Variants in KCNQ1OT1 observed in about 807,000 individuals in gnomAD.
The protein encoded by KCNQ1OT1 is KCNQ1 antisense RNA 2 (non-protein coding).
chr11:2,618,744 A>T (rs1020232432), exon 1 of KCNQ1OT1: 2 of 398,332 alleles, frequency 5.0e-6, no homozygotes, highest in Non-Finnish European at 8.8e-6. Flanking sequence ...TTTGATAGGG[A>T]TTTTATTCAA....
rs1334327794 is a variant in KCNQ1OT1, at chr11:2,677,996, A to G, written n.21999T>C. The stretch of plus-strand genomic sequence containing the variant: ...TTCTTTTGTTGGAAATGAGGTTTTT[A>G]TCTTTCCAAATGCTTAAAATCATTT... On this transcript the variant is annotated non_coding_transcript_exon_variant, in exon 1 of 1. Transcript: ENST00000597346. The surrounding 1 kb of genome is among the most constrained non-coding windows in gnomAD (Gnocchi z 4.5). 1 of 387,782 alleles carries G rather than the reference A, an allele frequency of 2.6e-6. No homozygotes were observed. The highest frequency in any genetic ancestry group is 2.3e-5 in the African/African-American group (1 of 43,646). 24.0% of individuals were successfully genotyped at this position (387,782 alleles called of 1,614,324 possible).
chr11:2,699,757 C>T (rs927524070), exon 1 of KCNQ1OT1: 14 of 290,178 alleles, frequency 4.8e-5, no homozygotes, highest in East Asian at 3.7e-4. Flanking sequence ...CCCAGAAGAG[C>T]GCCGCGCTGA....
At chr11:2,644,545 T>G (rs1849637162) in exon 1 of KCNQ1OT1, 2 of 398,528 alleles carry the variant, frequency 5.0e-6, no homozygotes, top group Non-Finnish European at 8.8e-6. Context: ...TTTTCAAGGT[T>G]TCATCAATTT....
chr11:2,644,697 T>C (rs1317552477), exon 1 of KCNQ1OT1: 1 of 398,508 alleles, frequency 2.5e-6, no homozygotes, highest in Non-Finnish European at 4.4e-6. Context: ...GATCTGTCTT[T>C]CCTAAGAGAG....
At position 2,658,460 on chromosome 11, in the gene KCNQ1OT1, G is replaced by C. The variant is rs1564847780; in HGVS notation, n.41535C>G. The stretch of plus-strand genomic sequence containing the variant: ...GTGGGTTCATGTGTCCTTTTGATGT[G>C]CCCCCCGCCATCCTTTTCATTTATT... On this transcript the variant is annotated non_coding_transcript_exon_variant, in exon 1 of 1. Coordinates refer to ENST00000597346, the Ensembl canonical transcript of KCNQ1OT1. This position sits in a 1 kb window ranked among gnomAD's most constrained non-coding sequence, Gnocchi z 4.9. 3 of 398,196 alleles carry C rather than the reference G, an allele frequency of 7.5e-6. No individual in the cohort carries two copies. The highest frequency in any genetic ancestry group is 4.4e-5 in the Admixed American group (1 of 22,690). The allele number at this position is 398,196 out of a possible 1,614,324, so 24.7% of individuals were successfully genotyped here. A position where few individuals can be genotyped will look rare whatever the true frequency, so the allele number is the denominator to read the frequency against.
chr11:2,660,915 T>TAA (rs1486340016), exon 1 of KCNQ1OT1: 3 of 398,552 alleles, frequency 7.5e-6, no homozygotes, highest in African/African-American at 6.2e-5. Flanking sequence ...CTTAAAACTA[T>TAA]AAGAGCCTGA....
exon 1 of KCNQ1OT1, chr11:2,609,193 A>C (rs1421656790): frequency 7.5e-6 from 3 of 398,134 alleles, no homozygotes; most frequent in Admixed American, 8.8e-5. Context: ...ACTGCTTTAA[A>C]TGTATCCCAT....
exon 1 of KCNQ1OT1, chr11:2,692,466 C>A: frequency 2.5e-6 from 1 of 398,736 alleles, no homozygotes; most frequent in Non-Finnish European, 4.4e-6. Context: ...AATCCTGCAG[C>A]TGCCTTTCTG....
chr11:2,644,979 G>C, exon 1 of KCNQ1OT1: 1 of 398,682 alleles, frequency 2.5e-6, no homozygotes, highest in Non-Finnish European at 4.4e-6. Flanking sequence ...CCCAATGGTA[G>C]TGTATGCTGG....
At position 2,651,576 on chromosome 11, in the gene KCNQ1OT1, C is replaced by A; in HGVS notation, n.48419G>T. 1 of 398,656 alleles carries A rather than the reference C, an allele frequency of 2.5e-6. No homozygotes were observed. The highest frequency in any genetic ancestry group is 1.3e-4 in the South Asian group (1 of 7,854). The allele number at this position is 398,656 out of a possible 1,614,324, so 24.7% of individuals were successfully genotyped here. A position where few individuals can be genotyped will look rare whatever the true frequency, so the allele number is the denominator to read the frequency against. Reference sequence around the variant, plus strand: ...GATATTGTGTTCTTTACCTCCATGTCTCCAGTGCCTGCCACATAGCAGGTC... The same window carrying A: ...GATATTGTGTTCTTTACCTCCATGTATCCAGTGCCTGCCACATAGCAGGTC... On this transcript the variant is annotated non_coding_transcript_exon_variant, in exon 1 of 1. Coordinates refer to ENST00000597346, the Ensembl canonical transcript of KCNQ1OT1. This position sits in a 1 kb window ranked among gnomAD's most constrained non-coding sequence, Gnocchi z 6.1.
rs1849209432 is a variant in KCNQ1OT1, at chr11:2,623,527, G to T, written n.76468C>A. On this transcript the variant is annotated non_coding_transcript_exon_variant, in exon 1 of 1. Coordinates refer to ENST00000597346, the Ensembl canonical transcript of KCNQ1OT1. This position sits in a 1 kb window ranked among gnomAD's most constrained non-coding sequence, Gnocchi z 5.2. ...TATGATTGGAATCATACAGTATGTA[G>T]TTTCTTCAGATTGCCTTATTTCACA... 2.5e-6 allele frequency: 1 copy of T among 398,534 alleles called. No individual in the cohort carries two copies. 24.7% of individuals were successfully genotyped at this position (398,534 alleles called of 1,614,324 possible).
exon 1 of KCNQ1OT1, chr11:2,616,658 G>A (rs1389060783): frequency 2.5e-6 from 1 of 398,048 alleles, no homozygotes; most frequent in African/African-American, 2.1e-5. Context: ...AATTTTTAAA[G>A]AGTGTGTAGT....
chr11:2,627,003 T>C lies in KCNQ1OT1; in HGVS notation n.72992A>G, dbSNP rs1053045042. ...TTGGGATTACCTTGGATTTGTAGAT[T>C]GTTTTGTGTGGTACTGACACCTTAA... On this transcript the variant is annotated non_coding_transcript_exon_variant, in exon 1 of 1. Transcript: ENST00000597346. This position sits in a 1 kb window ranked among gnomAD's most constrained non-coding sequence, Gnocchi z 4.9. 21 of 398,510 alleles carry C rather than the reference T, an allele frequency of 5.3e-5. No homozygotes were observed. The highest frequency in any genetic ancestry group is 3.9e-4 in the African/African-American group (19 of 48,646). The allele number at this position is 398,510 out of a possible 1,614,324, so 24.7% of individuals were successfully genotyped here.
At chr11:2,630,446 CCTCT>C (rs1476053641) in exon 1 of KCNQ1OT1, 2 of 397,992 alleles carry the variant, frequency 5.0e-6, no homozygotes, top group African/African-American at 4.1e-5. Context: ...GGGATTGTTC[CCTCT>C]TTGTTTGGGG....
In KCNQ1OT1 at chr11:2,673,408, C is replaced by G. The variant is rs1590022950; in HGVS notation, n.26587G>C. On this transcript the variant is annotated non_coding_transcript_exon_variant, in exon 1 of 1. Transcript: ENST00000597346. This position sits in a 1 kb window ranked among gnomAD's most constrained non-coding sequence, Gnocchi z 4.5. ...TGGCCTTTGTTTAGCCCACCTTCTGCCTAGGCACCAGGCCTGGAGGTTCCA... is the reference window on the plus strand; with the variant it reads ...TGGCCTTTGTTTAGCCCACCTTCTGGCTAGGCACCAGGCCTGGAGGTTCCA... 1 of 398,686 alleles carries G rather than the reference C, an allele frequency of 2.5e-6. No homozygotes were observed. The highest frequency in any genetic ancestry group is 3.6e-5 in the East Asian group (1 of 28,080). The allele number at this position is 398,686 out of a possible 1,614,324, so 24.7% of individuals were successfully genotyped here.
chr11:2,627,322 A>C lies in KCNQ1OT1; in HGVS notation n.72673T>G, dbSNP rs1849277339. The C allele has an allele frequency of 2.5e-6, 1 of 398,446 alleles. No homozygotes were observed. The highest frequency in any genetic ancestry group is 2.1e-5 in the African/African-American group (1 of 48,630). 24.7% of individuals were successfully genotyped at this position (398,446 alleles called of 1,614,324 possible). ...GCCATGTGTGTGCGTGTGTGTGGTC[A>C]GAATACCTAAGCTATACTCTCTTAG... On this transcript the variant is annotated non_coding_transcript_exon_variant, in exon 1 of 1. Transcript: ENST00000597346. This position sits in a 1 kb window ranked among gnomAD's most constrained non-coding sequence, Gnocchi z 4.9.
exon 1 of KCNQ1OT1, chr11:2,641,823 A>C (rs1382833227): frequency 2.5e-6 from 1 of 398,334 alleles, no homozygotes; most frequent in Admixed American, 4.4e-5. Context: ...GTATAGCAAG[A>C]GATAGAAACG....
Position 2,632,636 on chromosome 11 carries a change from A to T in KCNQ1OT1, n.67359T>A, listed in dbSNP as rs1849379572. The T allele has an allele frequency of 1.0e-5, 4 of 398,274 alleles. No individual in the cohort carries two copies. In the Admixed American group the frequency reaches 1.8e-4, roughly 18 times the overall value. 24.7% of individuals were successfully genotyped at this position (398,274 alleles called of 1,614,324 possible). On this transcript the variant is annotated non_coding_transcript_exon_variant, in exon 1 of 1. Transcript: ENST00000597346. ...TCAAATCAGGGTAATTAGCATATTC[A>T]TCAACTCAAATATCATTTCTCTGTT...
Position 2,661,890 on chromosome 11 carries a change from C to G in KCNQ1OT1, n.38105G>C. 6.2e-7 allele frequency: 1 copy of G among 1,602,280 alleles called. No individual in the cohort carries two copies. Among genetic ancestry groups the G allele is most frequent in the Admixed American group, 1.7e-5 (1 of 59,980 alleles). On this transcript the variant is annotated non_coding_transcript_exon_variant, in exon 1 of 1. Coordinates refer to ENST00000597346, the Ensembl canonical transcript of KCNQ1OT1. This position sits in a 1 kb window ranked among gnomAD's most constrained non-coding sequence, Gnocchi z 5.9. ...CTCCTCACCTGGCCCTGGGAGCTCA[C>G]AGGCCTGGCTCCACAGCACTGGCAG...
Sources: gnomAD v4.1 joint callset for allele counts on GRCh38, gnomAD v4.1.1 for gene constraint, Gnocchi (gnomAD v3.1) non-coding constraint, MANE v1.5 for transcripts, NCBI Gene and HGNC (gene_info 2026-07-23, HGNC 2026-07-21) for gene names.